STK35: variants seen among roughly 807,000 people sequenced by gnomAD.
STK35 encodes serine/threonine-protein kinase 35.
In STK35, 17 loss-of-function variants were observed where a neutral mutation model predicts 37.3. That is an observed-to-expected ratio of 0.46 (90% CI 0.31 to 0.68). STK35 has a LOEUF of 0.68. STK35 is among the 30% of genes least tolerant of loss of function. The pLI is 0.05. For synonymous variants in STK35, 385 were observed against 319.1 expected, an observed-to-expected ratio of 1.21 and a Z score of -2.20; for missense variants, 595 against 746.7, an observed-to-expected ratio of 0.80 and a Z score of 2.37.
chr20:2,108,933 C>A (rs1232064233), intron 2 of STK35, among the ~76,000 whole-genome samples: 8 of 152,178 alleles, frequency 5.3e-5, no homozygotes, highest in Admixed American at 5.2e-4. Flanking sequence ...TGGATCCTGA[C>A]CTAGTTGTCT....
chr20:2,135,055 A>AG (rs1419066048), intron 3 of STK35, among the ~76,000 whole-genome samples: 1 of 151,998 alleles, frequency 6.6e-6, no homozygotes, highest in Admixed American at 6.6e-5. Context: ...AAGTCTCCAG[A>AG]GGGGGAGTAG....
At chr20:2,131,476 T>A (rs190769815) in intron 3 of STK35, among the ~76,000 whole-genome samples, 4 of 152,228 alleles carry the variant, frequency 2.6e-5, no homozygotes, top group Admixed American at 2.0e-4. Flanking sequence ...GTTTTGTTTT[T>A]TTTTTTAAGA....
chr20:2,125,931 C>A (rs1176769603), intron 3 of STK35, among the ~76,000 whole-genome samples: 1 of 152,242 alleles, frequency 6.6e-6, no homozygotes, highest in African/African-American at 2.4e-5. Context: ...AGGCCAGCGT[C>A]TGGCACCAGC....
rs184973537 is a variant in STK35 at position 2,117,492 on chromosome 20, G to T, written c.*37+77G>T. Reference sequence around the variant, plus strand: ...ACTCTGTTGGTCAGGCTGGGGTGCAGCGGGTGCAGTGGCAGGATCTCAGCT... The same window carrying T: ...ACTCTGTTGGTCAGGCTGGGGTGCATCGGGTGCAGTGGCAGGATCTCAGCT... On this transcript the variant is annotated intron_variant, in intron 3 of 3. Transcript: ENST00000381482. The surrounding 1 kb of genome is among the most constrained non-coding windows in gnomAD (Gnocchi z 4.4). 1 of 805,446 alleles carries T rather than the reference G, an allele frequency of 1.2e-6. No homozygotes were observed. Among genetic ancestry groups the T allele is most frequent in the African/African-American group, 1.7e-5 (1 of 57,636 alleles). The allele number at this position is 805,446 out of a possible 1,614,324, so 49.9% of individuals were successfully genotyped here.
chr20:2,118,258 A>G (rs1282284475), intron 3 of STK35, among the ~76,000 whole-genome samples: 1 of 152,240 alleles, frequency 6.6e-6, no homozygotes, highest in African/African-American at 2.4e-5. Flanking sequence ...CCTACTTTAG[A>G]AAACAGATTT....
intron 2 of STK35, among the ~76,000 whole-genome samples, chr20:2,112,081 T>C (rs575307612): frequency 2.6e-5 from 4 of 152,230 alleles, no homozygotes. Context: ...TCAAGAGCAA[T>C]GTGTGCTCAG....
chr20:2,125,943 G>T (rs1457266339), intron 3 of STK35, among the ~76,000 whole-genome samples: 1 of 152,214 alleles, frequency 6.6e-6, no homozygotes, highest in Non-Finnish European at 1.5e-5. Flanking sequence ...GGCACCAGCT[G>T]CAAGGAAAGG....
intron 2 of STK35, among the ~76,000 whole-genome samples, chr20:2,105,117 A>G (rs755564201): frequency 6.6e-6 from 1 of 151,072 alleles, no homozygotes; most frequent in African/African-American, 2.4e-5. Flanking sequence ...TTATCATGCA[A>G]TGGCACTATA....
intron 3 of STK35, among the ~76,000 whole-genome samples, chr20:2,121,582 GT>G (rs1985818152): frequency 6.6e-6 from 1 of 152,220 alleles, no homozygotes; most frequent in South Asian, 2.1e-4. Flanking sequence ...AGTTGGATGA[GT>G]CTGGAGTTCA....
chr20:2,123,371 A>G (rs1413336675), intron 3 of STK35, among the ~76,000 whole-genome samples: 1 of 152,188 alleles, frequency 6.6e-6, no homozygotes, highest in Non-Finnish European at 1.5e-5. Context: ...GGGTCCAAAG[A>G]TGTGGCTCTC....
At chr20:2,106,829 A>T (rs1161124791) in intron 2 of STK35, among the ~76,000 whole-genome samples, 1 of 152,232 alleles carries the variant, frequency 6.6e-6, no homozygotes, top group Non-Finnish European at 1.5e-5. Flanking sequence ...GCATTAAGAC[A>T]GCAGAAGCTT....
Position 2,147,000 on chromosome 20 carries a change from A to G in STK35, c.*3254A>G, listed in dbSNP as rs927516559. 1.3e-5 allele frequency: 2 copies of G among 152,690 alleles called. No individual in the cohort carries two copies. The highest frequency in any genetic ancestry group is 4.8e-5 in the African/African-American group (2 of 41,470). The allele number at this position is 152,690 out of a possible 1,614,324, so 9.5% of individuals were successfully genotyped here. ...GGAATTTTTTTCCTCCCACCTGGAC[A>G]TAGTTTGCCCCTGTGGCTGCCTTTC... On this transcript the variant is annotated 3_prime_UTR_variant, in exon 4 of 4. Transcript: ENST00000381482.
At chr20:2,114,389 A>G (rs1283029143) in intron 2 of STK35, among the ~76,000 whole-genome samples, 3 of 152,074 alleles carry the variant, frequency 2.0e-5, no homozygotes, top group African/African-American at 7.2e-5. Flanking sequence ...GGCTACTGTG[A>G]GCTATGGTCA....
At chr20:2,119,802 G>A (rs1985784342) in intron 3 of STK35, among the ~76,000 whole-genome samples, 1 of 152,230 alleles carries the variant, frequency 6.6e-6, no homozygotes, top group South Asian at 2.1e-4. Context: ...TCCATCACTT[G>A]GGTGGGTTCC....
At chr20:2,136,564 C>T (rs982244926) in intron 3 of STK35, among the ~76,000 whole-genome samples, 1 of 152,160 alleles carries the variant, frequency 6.6e-6, no homozygotes, top group African/African-American at 2.4e-5. Context: ...GGCAGTGATG[C>T]AGGAACTCAA....
intron 2 of STK35, among the ~76,000 whole-genome samples, chr20:2,106,310 T>A (rs764575789): frequency 3.9e-5 from 6 of 152,150 alleles, no homozygotes; most frequent in Non-Finnish European, 8.8e-5. Flanking sequence ...TCCTTTACAG[T>A]CACCCTTGGC....
At chr20:2,138,596 A>G (rs1357777210) in intron 3 of STK35, among the ~76,000 whole-genome samples, 1 of 152,184 alleles carries the variant, frequency 6.6e-6, no homozygotes, top group Non-Finnish European at 1.5e-5. Flanking sequence ...GTGACGATAA[A>G]CCTCGTGGTT....
Position 2,116,058 on chromosome 20 carries a change from C to A in STK35, c.893-608C>A, listed in dbSNP as rs566369477. 9.4e-4 allele frequency among the ~76,000 whole-genome samples: 143 copies of A among 152,254 alleles called. 1 individual carries two copies. Among genetic ancestry groups the A allele is most frequent in the African/African-American group, 3.4e-3 (141 of 41,536 alleles). ...TACCTGTCATCTCCTTGAAACTAAGCCTCATAGAGGTGGAGGCATGTTATG... is the reference window on the plus strand; with the variant it reads ...TACCTGTCATCTCCTTGAAACTAAGACTCATAGAGGTGGAGGCATGTTATG... On this transcript the variant is annotated intron_variant, in intron 2 of 3. Transcript: ENST00000381482.
chr20:2,121,344 T>C (rs1307883536), intron 3 of STK35, among the ~76,000 whole-genome samples: 1 of 152,286 alleles, frequency 6.6e-6, no homozygotes, highest in East Asian at 1.9e-4. Context: ...GGGTATTTTT[T>C]TGAAGTCAGA....
Sources: allele counts gnomAD v4.1 joint callset (sites outside exome capture counted in the v4.1 genomes callset), GRCh38; gene constraint gnomAD v4.1.1; non-coding constraint Gnocchi (gnomAD v3.1); transcripts MANE v1.5; gene names NCBI Gene and HGNC (gene_info 2026-07-23, HGNC 2026-07-21).